Variants in AP4B1 observed in about 807,000 individuals in gnomAD.
The protein encoded by AP4B1 is adaptor related protein complex 4 subunit beta 1, also known as AP-4 complex subunit beta-1.
A neutral mutation model predicts 76.5 loss-of-function variants in AP4B1; 49 were observed. The observed-to-expected ratio is 0.64, with a 90% CI of 0.51 to 0.81. The LOEUF is 0.81. Among genes scored for constraint, AP4B1 ranks in the 40% least tolerant of loss-of-function variants. The pLI is 0.00. For missense variants in AP4B1, 911 were observed against 904.9 expected (o/e 1.01, Z -0.09); for synonymous variants, 330 against 333.3 (o/e 0.99, Z 0.11).
chr1:113,896,636 T>C (rs1336598536), intron 7 of AP4B1, 171 bp from the exon 8 acceptor site: 1 of 644,534 alleles, frequency 1.6e-6, no homozygotes, highest in African/African-American at 1.8e-5. Flanking sequence ...CTACAACAAA[T>C]AGGAATGAAA....
At chr1:113,898,559 G>C (rs940493959) in intron 6 of AP4B1, among the ~76,000 whole-genome samples, 159 bp downstream of exon 6, 1 of 152,172 alleles carries the variant, frequency 6.6e-6, no homozygotes, top group African/African-American at 2.4e-5. Context: ...TATCCTATTA[G>C]ATCTATAGAC....
In AP4B1 at chr1:113,894,345, T is replaced by C. The variant is rs998646815; in HGVS notation, c.*720A>G. Among the ~76,000 whole-genome samples the C allele has an allele frequency of 6.6e-6, 1 of 152,198 alleles. No homozygotes were observed. The highest frequency in any genetic ancestry group is 1.5e-5 in the Non-Finnish European group (1 of 68,032). On this transcript the variant is annotated 3_prime_UTR_variant, in exon 10 of 10. Transcript: ENST00000369569. ...TGCTAGAGGTATGCTCTGGCTACTT[T>C]GATAGCTTGAGGGAGGCCCCTAATG...
chr1:113,896,069 A>G (rs1316637528), intron 8 of AP4B1, 31 bp from the exon 9 acceptor site: 9 of 1,614,164 alleles, frequency 5.6e-6, no homozygotes, highest in Non-Finnish European at 7.6e-6. Flanking sequence ...GACTTCATTA[A>G]AAACAAAACC....
intron 8 of AP4B1, 25 bp from the exon 9 acceptor site, chr1:113,896,063 T>C (rs1364180062): frequency 6.2e-7 from 1 of 1,614,174 alleles, no homozygotes; most frequent in Non-Finnish European, 8.5e-7. Flanking sequence ...CAGATTGACT[T>C]CATTAAAAAC....
At chr1:113,904,936 C>G (rs1184287606), upstream of AP4B1, 1 of 534,456 alleles carries the variant, frequency 1.9e-6, no homozygotes, top group Non-Finnish European at 3.4e-6. Flanking sequence ...GCTCTTCAGG[C>G]CCTACCGTCG....
At chr1:113,902,569 TA>T in intron 2 of AP4B1, 68 bp downstream of exon 2, 1 of 1,508,432 alleles carries the variant, frequency 6.6e-7, no homozygotes. Context: ...TTATCCTCTT[TA>T]AAAACCTACC....
At chr1:113,899,158 C>T in intron 5 of AP4B1, 1 of 1,104,278 alleles carries the variant, frequency 9.1e-7, no homozygotes, top group Non-Finnish European at 1.1e-6. Flanking sequence ...GGACACTTGA[C>T]AGCAGTCTCC....
chr1:113,899,327 T>A, intron 5 of AP4B1: 1 of 1,014,290 alleles, frequency 9.9e-7, no homozygotes, highest in Non-Finnish European at 1.2e-6. Context: ...GCCTTTCAAA[T>A]TCCAGACAGG....
Position 113,901,091 on chromosome 1 carries a change from G to A in AP4B1, c.617+145C>T. 5.8e-6 allele frequency: 7 copies of A among 1,199,820 alleles called. No individual in the cohort carries two copies. In the South Asian group the frequency reaches 8.2e-5, roughly 14 times the overall value. 74.3% of individuals were successfully genotyped at this position (1,199,820 alleles called of 1,614,324 possible). A position where few individuals can be genotyped will look rare whatever the true frequency, so the allele number is the denominator to read the frequency against. ...CATTGCACTCCAGCTTAGACAACAA[G>A]AGCAAAACTCCGTCTCAAATAATAA... On this transcript the variant is annotated intron_variant, in intron 4 of 9. Coordinates refer to ENST00000369569, the MANE Select transcript of AP4B1 (RefSeq NM_001253852.3).
rs750413991 is a variant in AP4B1 at position 113,898,722 on chromosome 1, G to A, written c.1194C>T (p.Thr398=). Residue 398 remains threonine, a synonymous_variant, in exon 6 of 10, where the codon ACC becomes ACT. Coordinates refer to ENST00000369569, the MANE Select transcript of AP4B1 (RefSeq NM_001253852.3). ...TCCTAAAAAGGCAGGCATTACCTGT[G>A]GTAATGTGCTCTTGTCGAAGACCCA... ...ELLGLRQEHI[T]TVVVQTFRDL... 3.1e-6 allele frequency: 5 copies of A among 1,608,550 alleles called. No individual in the cohort carries two copies. Among genetic ancestry groups the A allele is most frequent in the Non-Finnish European group, 8.5e-7 (1 of 1,179,718 alleles).
intron 5 of AP4B1, among the ~76,000 whole-genome samples, chr1:113,899,615 TAGGAAAGCA>T (rs1288878979): frequency 6.6e-6 from 1 of 152,140 alleles, no homozygotes; most frequent in Non-Finnish European, 1.5e-5. Flanking sequence ...AGATGATGTA[TAGGAAAGCA>T]TTTTGGATAG....
rs753057320 is a variant in AP4B1, at chr1:113,899,990, T to G, written c.1028A>C (p.Glu343Ala). The change falls in exon 5 of 10, where the codon GAG becomes GCG. Residue 343 changes from glutamate (E) to alanine (A), a missense_variant. Transcript: ENST00000369569. The stretch of plus-strand genomic sequence containing the variant: ...CTCCTCTAGCACCTGCTGCACATTC[T>G]CATCGTTCACCAGTTCACACAGCAC... ...VEVLCELVNDENVQQVLEELR... is the reference protein window; with the variant it reads ...VEVLCELVNDANVQQVLEELR... 18 of 1,614,084 alleles carry G rather than the reference T, an allele frequency of 1.1e-5. No individual in the cohort carries two copies. The East Asian group carries it at 3.6e-4, about 32-fold the overall frequency.
Position 113,895,164 on chromosome 1 carries a change from C to T in AP4B1, c.2121G>A (p.Gln707=), listed in dbSNP as rs745741518. ...LLLEPGNSEM[Q]ISVKQNEART... The stretch of plus-strand genomic sequence containing the variant: ...TTGCTTCATTTTGTTTCACAGAGAT[C>T]TGCATTTCTGAGTTTCCAGGCTCCA... Residue 707 remains glutamine, a synonymous_variant, in exon 10 of 10, where the codon CAG becomes CAA. Coordinates refer to ENST00000369569, the MANE Select transcript of AP4B1 (RefSeq NM_001253852.3). The T allele has an allele frequency of 2.0e-5, 32 of 1,614,068 alleles. 2 individuals are homozygous for T. In the South Asian group the frequency reaches 3.4e-4, roughly 17 times the overall value.
intron 5 of AP4B1, chr1:113,899,397 A>G (rs1412817479): frequency 1.0e-6 from 1 of 973,824 alleles, no homozygotes; most frequent in East Asian, 9.7e-5. Flanking sequence ...CATTCAGCAC[A>G]ATACATAGCC....
rs1667282557 is a variant in AP4B1 at position 113,894,873 on chromosome 1, T to C, written c.*192A>G. On this transcript the variant is annotated 3_prime_UTR_variant, in exon 10 of 10. Coordinates refer to ENST00000369569, the MANE Select transcript of AP4B1 (RefSeq NM_001253852.3). The stretch of plus-strand genomic sequence containing the variant: ...CCTCTACAACATCATCACTGAAAAA[T>C]GGGGTCAATTGCCAATAGGAATGAA... 4 of 601,786 alleles carry C rather than the reference T, an allele frequency of 6.6e-6. No individual in the cohort carries two copies. The Admixed American group carries it at 1.2e-4, about 18-fold the overall frequency. The allele number at this position is 601,786 out of a possible 1,614,324, so 37.3% of individuals were successfully genotyped here.
chr1:113,901,080 T>G, intron 4 of AP4B1, 156 bp downstream of exon 4: 1 of 1,096,910 alleles, frequency 9.1e-7, no homozygotes, highest in Non-Finnish European at 1.3e-6. Context: ...GCACTCCAGC[T>G]TAGACAACAA....
intron 6 of AP4B1, 147 bp downstream of exon 6, chr1:113,898,569 CTT>C: frequency 4.0e-6 from 3 of 744,928 alleles, no homozygotes; most frequent in South Asian, 1.4e-5. Context: ...GATCTATAGA[CTT>C]TATGCTTCTC....
rs537536824 is a variant in AP4B1, at chr1:113,904,483, G to A, written c.113+122C>T. ...TGGTACTCCAAAGCAGCAGGACGAA[G>A]ACCGAACCATATAACTGCCACGTGT... On this transcript the variant is annotated intron_variant, in intron 1 of 9. Transcript: ENST00000369569. 10 of 919,086 alleles carry A rather than the reference G, an allele frequency of 1.1e-5. No homozygotes were observed. In the East Asian group the frequency reaches 2.2e-4, roughly 20 times the overall value. 56.9% of individuals were successfully genotyped at this position (919,086 alleles called of 1,614,324 possible).
chr1:113,902,348 TG>T (rs1449135651), intron 2 of AP4B1, among the ~76,000 whole-genome samples: 1 of 152,208 alleles, frequency 6.6e-6, no homozygotes, highest in African/African-American at 2.4e-5. Context: ...ACTTTTCATT[TG>T]GAATAATGAT....
Sources: gnomAD v4.1 joint callset for allele counts (sites outside exome capture counted in the v4.1 genomes callset) on GRCh38, gnomAD v4.1.1 for gene constraint, MANE v1.5 for transcripts, NCBI Gene and HGNC (gene_info 2026-07-23, HGNC 2026-07-21) for gene names.